SYT1: variants seen among roughly 807,000 people sequenced by gnomAD.
SYT1 encodes synaptotagmin 1.
Under a neutral mutation model 44.8 loss-of-function variants are expected in SYT1, and 8 were observed. The ratio of observed to expected loss-of-function variants is 0.18; its 90% CI spans 0.10 to 0.32. The LOEUF (loss-of-function observed/expected upper bound fraction) is 0.32, where lower values mean the gene tolerates loss of function less well. Among genes scored for constraint, SYT1 ranks in the 10% least tolerant of loss-of-function variants. The pLI is 1.00. For missense variants in SYT1, 286 were observed against 509.3 expected (o/e 0.56, Z 4.22); for synonymous variants, 154 against 188.8 (o/e 0.82, Z 1.51).
At position 78,978,156 on chromosome 12, in the gene SYT1, G is replaced by A. The variant is rs111660877; in HGVS notation, c.-84+225G>A. ...CTATTATTAATGTTTTTGAAATGCTGTTTTCGTTGGTGGGGCACTGGCTCC... is the reference window on the plus strand; with the variant it reads ...CTATTATTAATGTTTTTGAAATGCTATTTTCGTTGGTGGGGCACTGGCTCC... On this transcript the variant is annotated intron_variant, in intron 2 of 10. Transcript: ENST00000261205. Among the ~76,000 whole-genome samples, 194 of 152,262 alleles carry A rather than the reference G, an allele frequency of 1.3e-3. 1 individual carries two copies. Among genetic ancestry groups the A allele is most frequent in the Middle Eastern group, 0.01 (3 of 294 alleles).
chr12:78,893,640 GGC>G (rs1875174889), intron 1 of SYT1, among the ~76,000 whole-genome samples: 1 of 151,554 alleles, frequency 6.6e-6, no homozygotes, highest in South Asian at 2.1e-4. Flanking sequence ...GCTTACACTA[GGC>G]CAGTAGATGA....
chr12:79,216,154 C>T (rs1874790308), intron 3 of SYT1, among the ~76,000 whole-genome samples: 1 of 152,024 alleles, frequency 6.6e-6, no homozygotes, highest in Non-Finnish European at 1.5e-5. Flanking sequence ...TGGTCTCGAA[C>T]TCCTGACCTC....
chr12:79,310,699 G>A (rs972328056), intron 8 of SYT1, among the ~76,000 whole-genome samples: 8 of 152,136 alleles, frequency 5.3e-5, no homozygotes, highest in Admixed American at 3.3e-4. Flanking sequence ...ATTGAGCAGT[G>A]GTTTGTAGTT....
At chr12:78,903,696 G>A (rs888112623) in intron 1 of SYT1, among the ~76,000 whole-genome samples, 2 of 152,052 alleles carry the variant, frequency 1.3e-5, no homozygotes, top group African/African-American at 4.8e-5. Flanking sequence ...TGGTTAAAGA[G>A]ATACACATAT....
chr12:78,962,306 G>C (rs1043315920), intron 1 of SYT1, among the ~76,000 whole-genome samples: 3 of 150,374 alleles, frequency 2.0e-5, no homozygotes, highest in African/African-American at 7.3e-5. Context: ...TGCTTGGTAC[G>C]CAGTAATCAT....
chr12:79,268,930 G>A (rs1236202132), intron 4 of SYT1, among the ~76,000 whole-genome samples: 1 of 152,054 alleles, frequency 6.6e-6, no homozygotes, highest in Non-Finnish European at 1.5e-5. Flanking sequence ...AAGAAAGGAA[G>A]GAAAGAGAAA....
chr12:79,300,789 T>TTA (rs56934430), intron 8 of SYT1, among the ~76,000 whole-genome samples: 7,363 of 89,372 alleles, frequency 0.082, 273 homozygotes, highest in East Asian at 0.19. Flanking sequence ...TGTATACTTA[T>TTA]TATATATATA....
At chr12:79,299,836 A>G (rs550744049) in intron 8 of SYT1, among the ~76,000 whole-genome samples, 22 of 152,288 alleles carry the variant, frequency 1.4e-4, no homozygotes, top group Admixed American at 3.9e-4. Flanking sequence ...AAAGCTTACA[A>G]AAGGCCACAC....
At chr12:79,107,082 G>T (rs1011668008) in intron 3 of SYT1, among the ~76,000 whole-genome samples, 4 of 151,822 alleles carry the variant, frequency 2.6e-5, no homozygotes, top group African/African-American at 9.7e-5. Flanking sequence ...CTTATGTAAG[G>T]TATTTAATTA....
At chr12:79,288,683 CCAGA>C (rs1219707371) in intron 5 of SYT1, among the ~76,000 whole-genome samples, 1 of 152,104 alleles carries the variant, frequency 6.6e-6, no homozygotes, top group Non-Finnish European at 1.5e-5. Flanking sequence ...AGAACACTAA[CCAGA>C]CAGAGGGAAA....
Position 79,117,355 on chromosome 12 carries a change from G to A in SYT1, c.-18+69993G>A, listed in dbSNP as rs1048060832. ...ACCCACAATGCTCCGTGTTAAATTCGCCAACTGCTGTTCTGTACATTCCCT... is the reference window on the plus strand; with the variant it reads ...ACCCACAATGCTCCGTGTTAAATTCACCAACTGCTGTTCTGTACATTCCCT... On this transcript the variant is annotated intron_variant, in intron 3 of 10. Transcript: ENST00000261205. Among the ~76,000 whole-genome samples, 7 of 151,796 alleles carry A rather than the reference G, an allele frequency of 4.6e-5. No individual in the cohort carries two copies. In the East Asian group the frequency reaches 7.8e-4, roughly 17 times the overall value.
chr12:79,219,816 C>G (rs1352769449), intron 4 of SYT1, among the ~76,000 whole-genome samples: 2 of 152,058 alleles, frequency 1.3e-5, no homozygotes, highest in Non-Finnish European at 2.9e-5. Flanking sequence ...CAGCAATGTT[C>G]TTTTTGCTCA....
intron 3 of SYT1, among the ~76,000 whole-genome samples, chr12:79,109,197 C>T (rs2138083815): frequency 6.6e-6 from 1 of 152,324 alleles, no homozygotes; most frequent in East Asian, 1.9e-4. Context: ...GTGCGCACTC[C>T]TCCCAATGTT....
chr12:78,940,256 T>C (rs1286491660), intron 1 of SYT1, among the ~76,000 whole-genome samples: 2 of 152,210 alleles, frequency 1.3e-5, no homozygotes, highest in African/African-American at 4.8e-5. Flanking sequence ...GAATGAGATG[T>C]ATTGAGTCTC....
Position 79,385,496 on chromosome 12 carries a change from G to A in SYT1, c.928+31877G>A, listed in dbSNP as rs149729598. Among the ~76,000 whole-genome samples, 91 of 151,924 alleles carry A rather than the reference G, an allele frequency of 6.0e-4. 1 individual carries two copies. The highest frequency in any genetic ancestry group is 1.9e-3 in the African/African-American group (79 of 41,388). On this transcript the variant is annotated intron_variant, in intron 9 of 10. Coordinates refer to ENST00000261205, the MANE Select transcript of SYT1 (RefSeq NM_005639.3). ...TCAAATCTGATTGCCCTAGTTATGCGTGTTTATTCCCCCCAAAATTGTCAG... is the reference window on the plus strand; with the variant it reads ...TCAAATCTGATTGCCCTAGTTATGCATGTTTATTCCCCCCAAAATTGTCAG...
At chr12:79,090,970 G>T (rs892016607) in intron 3 of SYT1, among the ~76,000 whole-genome samples, 1 of 151,862 alleles carries the variant, frequency 6.6e-6, no homozygotes, top group African/African-American at 2.4e-5. Flanking sequence ...ATCTTTCCTA[G>T]ATTCAAATAA....
intron 8 of SYT1, among the ~76,000 whole-genome samples, 194 bp downstream of exon 8, chr12:79,299,745 A>AAG (rs3833502): frequency 0.36 from 55,245 of 151,834 alleles, 10,319 homozygotes; most frequent in East Asian, 0.59. Context: ...TATCTGAAAG[A>AAG]AGAGAGACAT....
intron 9 of SYT1, among the ~76,000 whole-genome samples, chr12:79,383,555 A>T (rs1884311783): frequency 6.6e-6 from 1 of 152,198 alleles, no homozygotes; most frequent in South Asian, 2.1e-4. Flanking sequence ...AAACAAAAGA[A>T]AATCTCCTTT....
At chr12:78,954,886 A>T (rs971482175) in intron 1 of SYT1, among the ~76,000 whole-genome samples, 1 of 152,038 alleles carries the variant, frequency 6.6e-6, no homozygotes, top group South Asian at 2.1e-4. Flanking sequence ...TCTATTTTTG[A>T]GCTTGTGATT....
Sources: allele counts gnomAD v4.1 joint callset (sites outside exome capture counted in the v4.1 genomes callset), GRCh38; gene constraint gnomAD v4.1.1; transcripts MANE v1.5; gene names NCBI Gene and HGNC (gene_info 2026-07-23, HGNC 2026-07-21).